GRIK4: variants seen among roughly 807,000 people sequenced by gnomAD.
The protein encoded by GRIK4 is glutamate receptor ionotropic, kainate 4.
GRIK4 carries 40 observed loss-of-function variants against 104.9 expected under a neutral mutation model. That is an observed-to-expected ratio of 0.38 (90% CI 0.30 to 0.50). The LOEUF is 0.50. Among genes scored for constraint, GRIK4 ranks in the 20% least tolerant of loss-of-function variants. The pLI is 0.93. For synonymous variants in GRIK4, 485 were observed against 524.9 expected (o/e 0.92, Z 1.04); for missense variants, 1,047 against 1,308.1 (o/e 0.80, Z 3.08).
intron 3 of GRIK4, among the ~76,000 whole-genome samples, chr11:120,684,441 G>A (rs972879034): frequency 6.6e-6 from 1 of 152,198 alleles, no homozygotes; most frequent in African/African-American, 2.4e-5. Flanking sequence ...GTAAGTCAGG[G>A]TTAAGAAGAA....
chr11:120,971,236 G>A (rs1944470154), intron 19 of GRIK4, among the ~76,000 whole-genome samples: 1 of 152,172 alleles, frequency 6.6e-6, no homozygotes, highest in Admixed American at 6.5e-5. Flanking sequence ...TTTTCTGTCT[G>A]TTGACATTTT....
chr11:120,832,476 A>G (rs978863407), intron 7 of GRIK4, among the ~76,000 whole-genome samples: 2 of 152,208 alleles, frequency 1.3e-5, no homozygotes, highest in East Asian at 1.9e-4. Context: ...ACGGTGCACA[A>G]CAGTTACACA....
rs371555427 is a variant in GRIK4 at position 120,541,478 on chromosome 11, T to TA, written c.-159+29592dup. Among the ~76,000 whole-genome samples the TA allele has an allele frequency of 2.7e-3, 418 of 152,052 alleles. 5 individuals are homozygous for TA. In the Middle Eastern group the frequency reaches 0.037, roughly 14 times the overall value. ...TTGCAACCAAAAAGGCCATAACAGG[T>TA]AGGTGTCAGGAAAAATACTCTTTTT... On this transcript the variant is annotated intron_variant, in intron 1 of 20. Coordinates refer to ENST00000527524, the MANE Select transcript of GRIK4 (RefSeq NM_014619.5).
At chr11:120,713,291 C>T (rs752898704) in intron 3 of GRIK4, among the ~76,000 whole-genome samples, 6 of 152,148 alleles carry the variant, frequency 3.9e-5, no homozygotes, top group Non-Finnish European at 5.9e-5. Context: ...TTGGATTCGG[C>T]CACCTGACAT....
intron 1 of GRIK4, among the ~76,000 whole-genome samples, chr11:120,526,413 G>A (rs977312960): frequency 3.9e-5 from 6 of 151,946 alleles, no homozygotes; most frequent in East Asian, 1.9e-4. Flanking sequence ...ATGTTGCCCC[G>A]GCTTGAACTT....
At chr11:120,561,410 G>A (rs541293125) in intron 1 of GRIK4, among the ~76,000 whole-genome samples, 5 of 152,268 alleles carry the variant, frequency 3.3e-5, no homozygotes, top group African/African-American at 1.2e-4. Context: ...CTTCCTGCAC[G>A]CTCACCAGCA....
At chr11:120,571,439 G>A (rs1025346544) in intron 1 of GRIK4, among the ~76,000 whole-genome samples, 1 of 152,140 alleles carries the variant, frequency 6.6e-6, no homozygotes, top group African/African-American at 2.4e-5. Flanking sequence ...TTTTGCTTAG[G>A]TTAGTCCCTC....
chr11:120,974,232 G>A (rs1279225391), intron 19 of GRIK4, among the ~76,000 whole-genome samples: 4 of 152,210 alleles, frequency 2.6e-5, no homozygotes, highest in Non-Finnish European at 5.9e-5. Flanking sequence ...TGTTCACCAA[G>A]AATCGAGACC....
chr11:120,836,101 C>T (rs1016284679), intron 7 of GRIK4, among the ~76,000 whole-genome samples: 8 of 152,214 alleles, frequency 5.3e-5, no homozygotes, highest in Non-Finnish European at 7.3e-5. Flanking sequence ...CTACAACCTA[C>T]GGACTCTCTT....
chr11:120,667,727 C>T (rs545400046), intron 3 of GRIK4, among the ~76,000 whole-genome samples: 8 of 152,324 alleles, frequency 5.3e-5, no homozygotes, highest in Admixed American at 6.5e-5. Context: ...ACCCAGCCAG[C>T]GAGGCCCATT....
At chr11:120,908,253 C>T (rs113030615) in intron 13 of GRIK4, among the ~76,000 whole-genome samples, 2 of 152,166 alleles carry the variant, frequency 1.3e-5, no homozygotes, top group East Asian at 1.9e-4. Context: ...TCTCAGTACT[C>T]GTGATCTGAG....
In GRIK4 at chr11:120,680,489, C is replaced by T. The variant is rs116644986; in HGVS notation, c.82+20089C>T. ...AGCCTCACCCCACATGGCGTGGTGA[C>T]ATGAGTTTCAGCATCAGTCTCTCAA... On this transcript the variant is annotated intron_variant, in intron 3 of 20. Transcript: ENST00000527524. Among the ~76,000 whole-genome samples the T allele has an allele frequency of 2.8e-3, 421 of 152,336 alleles. 2 individuals carry two copies. The highest frequency in any genetic ancestry group is 8.5e-3 in the African/African-American group (353 of 41,582).
intron 3 of GRIK4, among the ~76,000 whole-genome samples, chr11:120,690,100 A>G (rs775953240): frequency 1.3e-5 from 2 of 152,162 alleles, no homozygotes; most frequent in Non-Finnish European, 2.9e-5. Flanking sequence ...ATGGTTGGGT[A>G]GGAGATCTGT....
chr11:120,769,860 T>G (rs1709752083), intron 3 of GRIK4, among the ~76,000 whole-genome samples: 1 of 152,232 alleles, frequency 6.6e-6, no homozygotes, highest in Non-Finnish European at 1.5e-5. Flanking sequence ...AACATCTGTG[T>G]GGTGCTCCAT....
chr11:120,727,778 A>T (rs1020320474), intron 3 of GRIK4, among the ~76,000 whole-genome samples: 11 of 152,164 alleles, frequency 7.2e-5, no homozygotes, highest in African/African-American at 2.4e-4. Flanking sequence ...ACATTATTTT[A>T]TAAATGAAAA....
At chr11:120,887,635 C>T (rs753017483) in intron 11 of GRIK4, among the ~76,000 whole-genome samples, 11 of 152,150 alleles carry the variant, frequency 7.2e-5, no homozygotes, top group Admixed American at 1.3e-4. Context: ...GGGCCACAAA[C>T]GGGAATTTAT....
At chr11:120,752,872 C>T (rs1021704343) in intron 3 of GRIK4, among the ~76,000 whole-genome samples, 4 of 152,344 alleles carry the variant, frequency 2.6e-5, no homozygotes, top group Middle Eastern at 3.4e-3. Flanking sequence ...TGTTCACCCT[C>T]CTCCATAGTC....
chr11:120,850,798 T>C lies in GRIK4; in HGVS notation c.745-11161T>C, dbSNP rs1160234358. ...ATAAAAGGCATTATGGCAAATCACATTATTATTATTATTATTATTATTATT... is the reference window on the plus strand; with the variant it reads ...ATAAAAGGCATTATGGCAAATCACACTATTATTATTATTATTATTATTATT... On this transcript the variant is annotated intron_variant, in intron 8 of 20. Coordinates refer to ENST00000527524, the MANE Select transcript of GRIK4 (RefSeq NM_014619.5). Among the ~76,000 whole-genome samples the C allele has an allele frequency of 1.1e-4, 8 of 72,596 alleles. No homozygotes were observed. In the East Asian group the frequency reaches 2.7e-3, roughly 25 times the overall value. The allele number at this position is 72,596 out of a possible 152,430, so 47.6% of individuals were successfully genotyped here.
chr11:120,907,407 C>T (rs1005938118), intron 13 of GRIK4, among the ~76,000 whole-genome samples: 10 of 152,192 alleles, frequency 6.6e-5, no homozygotes, highest in African/African-American at 2.4e-4. Flanking sequence ...CATGCAGCCA[C>T]ACACCGAGTG....
Sources: allele counts gnomAD v4.1 joint callset (sites outside exome capture counted in the v4.1 genomes callset), GRCh38; gene constraint gnomAD v4.1.1; transcripts MANE v1.5; gene names NCBI Gene and HGNC (gene_info 2026-07-23, HGNC 2026-07-21).